NWD1: variants seen among roughly 807,000 people sequenced by gnomAD.
NWD1 encodes the protein NACHT and WD repeat domain containing 1.
A neutral mutation model predicts 135.1 loss-of-function variants in NWD1; 129 were observed. The observed-to-expected ratio is 0.96, with a 90% CI of 0.83 to 1.11. NWD1 has a LOEUF of 1.11. NWD1 is among the 50% of genes least tolerant of loss of function. The pLI is 0.00. For missense variants in NWD1, 1,740 were observed against 1,851.3 expected, an observed-to-expected ratio of 0.94 and a Z score of 1.10; for synonymous variants, 773 against 786.0, an observed-to-expected ratio of 0.98 and a Z score of 0.28.
At chr19:16,785,565 GT>G (rs1426364292) in intron 12 of NWD1, among the ~76,000 whole-genome samples, 5 of 147,438 alleles carry the variant, frequency 3.4e-5, no homozygotes, top group Admixed American at 6.7e-5. Flanking sequence ...AAAAATTAAC[GT>G]GATAAAGAAA....
At position 16,744,523 on chromosome 19, in the gene NWD1, C is replaced by T. The variant is rs1968220314; in HGVS notation, c.301C>T (p.Leu101=). The T allele has an allele frequency of 6.5e-7, 1 of 1,535,924 alleles. No individual in the cohort carries two copies. Among genetic ancestry groups the T allele is most frequent in the African/African-American group, 1.4e-5 (1 of 73,030 alleles). ...CCATCTGACTGCCAGGCCAAGTGAC[C>T]TGGAGCTGGTGGCACGATACTTCCA... ...RDHLTARPSD[L]ELVARYFQRD... The change falls in exon 5 of 19, where the codon CTG becomes TTG. Residue 101 remains leucine (L), a synonymous_variant. Transcript: ENST00000524140.
chr19:16,765,342 A>G (rs1449465097), intron 10 of NWD1, 150 bp downstream of exon 10: 1 of 832,368 alleles, frequency 1.2e-6, no homozygotes, highest in East Asian at 2.7e-5. Flanking sequence ...GTGCTTCTAG[A>G]ATTTTTTTTG....
At chr19:16,739,340 A>C (rs1376138450) in intron 4 of NWD1, among the ~76,000 whole-genome samples, 2 of 149,880 alleles carry the variant, frequency 1.3e-5, no homozygotes, top group Non-Finnish European at 2.9e-5. Context: ...AAAAAAAAAA[A>C]AAAAAAAAAA....
chr19:16,763,789 G>A, intron 8 of NWD1, 39 bp from the exon 9 acceptor site: 1 of 1,279,080 alleles, frequency 7.8e-7, no homozygotes. Flanking sequence ...GAATGAATGG[G>A]TTTGTGTCCA....
intron 10 of NWD1, among the ~76,000 whole-genome samples, chr19:16,770,522 A>G (rs1969378446): frequency 6.6e-6 from 1 of 152,180 alleles, no homozygotes; most frequent in Non-Finnish European, 1.5e-5. Flanking sequence ...AAATACACAC[A>G]GAGACCACAA....
At position 16,789,117 on chromosome 19, in the gene NWD1, C is replaced by T. The variant is rs757951080; in HGVS notation, c.2867C>T (p.Pro956Leu). The change falls in exon 13 of 19, where the codon CCC becomes CTC. Residue 956 changes from proline to leucine, a missense_variant. By Grantham distance (98) the Pro-to-Leu change is moderately conservative (BLOSUM62 -3). Coordinates refer to ENST00000524140, the MANE Select transcript of NWD1 (RefSeq NM_001007525.5). ...ATTTGGGATGGAGGCTCAAAAAATCCCGCTGAACCTCAGATCTGGAACCTT... is the reference window on the plus strand; with the variant it reads ...ATTTGGGATGGAGGCTCAAAAAATCTCGCTGAACCTCAGATCTGGAACCTT... ...FTIWDGGSKNPAEPQIWNLHV... is the reference protein window; with the variant it reads ...FTIWDGGSKNLAEPQIWNLHV... 76 of 1,613,870 alleles carry T rather than the reference C, an allele frequency of 4.7e-5. No individual in the cohort carries two copies. Among genetic ancestry groups the T allele is most frequent in the Non-Finnish European group, 1.3e-5 (15 of 1,179,924 alleles).
Position 16,748,270 on chromosome 19 carries a change from C to A in NWD1, c.497-869C>A, listed in dbSNP as rs1968406099. Among the ~76,000 whole-genome samples, 3 of 152,202 alleles carry A rather than the reference C, an allele frequency of 2.0e-5. No individual in the cohort carries two copies. In the South Asian group the frequency reaches 6.2e-4, roughly 32 times the overall value. ...AAGTGCTGGGATTACAGGCATGAGA[C>A]CCCATGTCCAGCCCGTTGATGGATG... is the stretch of plus-strand genomic sequence containing the variant. On this transcript the variant is annotated intron_variant, in intron 5 of 18. Transcript: ENST00000524140.
intron 2 of NWD1, among the ~76,000 whole-genome samples, chr19:16,727,024 G>A (rs2122675935): frequency 6.6e-6 from 1 of 152,278 alleles, no homozygotes; most frequent in East Asian, 1.9e-4. Context: ...GGGCAGAATG[G>A]GGTGGGACTT....
rs1216320559 is a variant in NWD1, at chr19:16,749,743, G to C, written c.1101G>C (p.Val367=). Residue 367 remains valine, a synonymous_variant, in exon 6 of 19, where the codon GTG becomes GTC. Transcript: ENST00000524140. The part of the protein sequence containing the change: ...QMPRLLGHKT[V]TVLRLLGTSQ... Reference sequence around the variant, plus strand: ...CAAGGCTGCTGGGGCACAAGACAGTGACCGTCCTGCGGCTGCTGGGGACGT... The same window carrying C: ...CAAGGCTGCTGGGGCACAAGACAGTCACCGTCCTGCGGCTGCTGGGGACGT... The C allele has an allele frequency of 6.2e-7, 1 of 1,607,190 alleles. No homozygotes were observed. Among genetic ancestry groups the C allele is most frequent in the African/African-American group, 1.3e-5 (1 of 74,868 alleles).
At chr19:16,788,405 T>TA (rs1443410086) in intron 12 of NWD1, among the ~76,000 whole-genome samples, 1 of 150,492 alleles carries the variant, frequency 6.6e-6, no homozygotes, top group African/African-American at 2.4e-5. Flanking sequence ...CCGTCTCCAC[T>TA]AAAAATAGAA....
intron 10 of NWD1, among the ~76,000 whole-genome samples, chr19:16,772,632 TA>T (rs1440230832): frequency 6.6e-6 from 1 of 151,994 alleles, no homozygotes; most frequent in African/African-American, 2.4e-5. Flanking sequence ...GGTGACAGGC[TA>T]AAATTCCATC....
rs551449101 is a variant in NWD1, at chr19:16,726,717, G to A, written c.-7+2254G>A. Among the ~76,000 whole-genome samples the A allele has an allele frequency of 2.9e-4, 44 of 152,338 alleles. No homozygotes were observed. The South Asian group carries it at 5.6e-3, about 19-fold the overall frequency. Reference sequence around the variant, plus strand: ...GCCTCCCAAAGTGCTGGGATTATAGGTGTGAGCCACTGCACCTGGCCTAAA... The same window carrying A: ...GCCTCCCAAAGTGCTGGGATTATAGATGTGAGCCACTGCACCTGGCCTAAA... On this transcript the variant is annotated intron_variant, in intron 2 of 18. Transcript: ENST00000524140.
At chr19:16,811,520 G>A (rs1271162565) in intron 18 of NWD1, among the ~76,000 whole-genome samples, 2 of 151,170 alleles carry the variant, frequency 1.3e-5, no homozygotes, top group East Asian at 1.9e-4. Context: ...GGAGATGGAG[G>A]TTGCAGTGAG....
At chr19:16,766,116 G>C (rs1303691869) in intron 10 of NWD1, among the ~76,000 whole-genome samples, 1 of 151,728 alleles carries the variant, frequency 6.6e-6, no homozygotes, top group African/African-American at 2.4e-5. Flanking sequence ...TATGATAAGA[G>C]AGAAAACAAA....
In NWD1 at chr19:16,815,044, C is replaced by A; in HGVS notation, c.*5C>A. 1 of 1,613,890 alleles carries A rather than the reference C, an allele frequency of 6.2e-7. No individual in the cohort carries two copies. The highest frequency in any genetic ancestry group is 8.5e-7 in the Non-Finnish European group (1 of 1,179,772). ...CCCTTACAGGCACCCTGCTGACAGT[C>A]CAGTTTGTCCATGCTGTGGTAAACA... On this transcript the variant is annotated 3_prime_UTR_variant, in exon 19 of 19. Coordinates refer to ENST00000524140, the MANE Select transcript of NWD1 (RefSeq NM_001007525.5).
At chr19:16,767,439 AC>A (rs1426777203) in intron 10 of NWD1, among the ~76,000 whole-genome samples, 1 of 151,946 alleles carries the variant, frequency 6.6e-6, no homozygotes, top group Non-Finnish European at 1.5e-5. Context: ...ACATGGTGAA[AC>A]CCCAGCTCTA....
At chr19:16,745,591 T>C (rs1420654368) in intron 5 of NWD1, among the ~76,000 whole-genome samples, 5 of 151,130 alleles carry the variant, frequency 3.3e-5, no homozygotes, top group Non-Finnish European at 5.9e-5. Context: ...CTTTTAAAAA[T>C]TTGCCAAATG....
At chr19:16,748,261 G>A (rs1157027852) in intron 5 of NWD1, among the ~76,000 whole-genome samples, 1 of 152,120 alleles carries the variant, frequency 6.6e-6, no homozygotes, top group East Asian at 1.9e-4. Flanking sequence ...TGGGATTACA[G>A]GCATGAGACC....
intron 5 of NWD1, among the ~76,000 whole-genome samples, chr19:16,747,039 C>A (rs867529063): frequency 7.2e-6 from 1 of 138,016 alleles, no homozygotes; most frequent in African/African-American, 2.7e-5. Flanking sequence ...CTTTTTCTTT[C>A]TTTTTTTTTT....
Sources: gnomAD v4.1 joint callset for allele counts (sites outside exome capture counted in the v4.1 genomes callset) on GRCh38, gnomAD v4.1.1 for gene constraint, MANE v1.5 for transcripts, NCBI Gene and HGNC (gene_info 2026-07-23, HGNC 2026-07-21) for gene names.